The following MELK variants were observed in gnomAD, a reference collection of about 807,000 sequenced individuals.
The protein encoded by MELK is maternal embryonic leucine zipper kinase.
In MELK, 81 loss-of-function variants were observed where a neutral mutation model predicts 85.0. The observed-to-expected ratio is 0.95, with a 90% CI of 0.80 to 1.15. The LOEUF (loss-of-function observed/expected upper bound fraction) is 1.15. Among genes scored for constraint, MELK ranks in the 50% most tolerant of loss-of-function variants. The pLI is 0.00. For synonymous variants in MELK, 252 were observed against 265.0 expected (o/e 0.95, Z 0.48); for missense variants, 754 against 777.5 (o/e 0.97, Z 0.36).
At chr9:36,580,190 G>C (rs1822077671) in intron 1 of MELK, among the ~76,000 whole-genome samples, 1 of 151,708 alleles carries the variant, frequency 6.6e-6, no homozygotes, top group Admixed American at 6.6e-5. Context: ...CACCACCCCT[G>C]GCTAATTTTT....
intron 7 of MELK, among the ~76,000 whole-genome samples, chr9:36,603,203 ATACT>A (rs1825113204): frequency 6.6e-6 from 1 of 152,044 alleles, no homozygotes; most frequent in Admixed American, 6.6e-5. Flanking sequence ...GTCATTTGAG[ATACT>A]TACTAAATGA....
At chr9:36,585,477 T>C (rs1311196385) in intron 3 of MELK, among the ~76,000 whole-genome samples, 5 of 152,010 alleles carry the variant, frequency 3.3e-5, no homozygotes, top group Non-Finnish European at 5.9e-5. Flanking sequence ...CAGCTAATTT[T>C]TGTATTTTCA....
At chr9:36,628,881 T>TC (rs935220325) in intron 8 of MELK, among the ~76,000 whole-genome samples, 1 of 149,734 alleles carries the variant, frequency 6.7e-6, no homozygotes, top group African/African-American at 2.5e-5. Flanking sequence ...TTTTTTTTTT[T>TC]GAGACGGAGT....
intron 1 of MELK, among the ~76,000 whole-genome samples, chr9:36,578,291 G>T (rs139024531): frequency 0.038 from 5,644 of 150,246 alleles, 180 homozygotes; most frequent in Admixed American, 0.049. Context: ...CCCAGCTCCA[G>T]AGCTGCATTT....
In MELK at chr9:36,674,663, G is replaced by A. The variant is rs2274474; in HGVS notation, c.1675-171G>A. 4.5e-4 allele frequency among the ~76,000 whole-genome samples: 68 copies of A among 152,322 alleles called. 2 individuals carry two copies. In the East Asian group the frequency reaches 0.013, roughly 29 times the overall value. On this transcript the variant is annotated intron_variant, in intron 16 of 17. Transcript: ENST00000298048. Reference sequence around the variant, plus strand: ...ACCATAACTTCTCCAAGCTCTCCCAGTGGGCCATTAACTCACTAAGAGTTG... The same window carrying A: ...ACCATAACTTCTCCAAGCTCTCCCAATGGGCCATTAACTCACTAAGAGTTG...
chr9:36,617,954 C>G (rs994638198), intron 8 of MELK, among the ~76,000 whole-genome samples: 14 of 151,802 alleles, frequency 9.2e-5, no homozygotes, highest in African/African-American at 3.4e-4. Flanking sequence ...CGTGAGACTC[C>G]GTCTCTACAA....
chr9:36,632,095 G>C (rs112967132), intron 9 of MELK, among the ~76,000 whole-genome samples: 1 of 152,152 alleles, frequency 6.6e-6, no homozygotes, highest in Admixed American at 6.5e-5. Flanking sequence ...AAATTACCCC[G>C]GGCTTGTTAA....
chr9:36,599,755 G>C (rs1824717216), intron 7 of MELK, among the ~76,000 whole-genome samples: 1 of 152,106 alleles, frequency 6.6e-6, no homozygotes, highest in Non-Finnish European at 1.5e-5. Context: ...GCCATAGTTT[G>C]GACTGGTTAG....
intron 8 of MELK, among the ~76,000 whole-genome samples, chr9:36,608,659 G>T (rs1050043212): frequency 6.6e-6 from 1 of 151,684 alleles, no homozygotes; most frequent in African/African-American, 2.4e-5. Flanking sequence ...TTGGCTCACC[G>T]CAACCTCTGC....
At chr9:36,662,173 TTTCTA>T (rs1831907825) in intron 13 of MELK, among the ~76,000 whole-genome samples, 1 of 151,948 alleles carries the variant, frequency 6.6e-6, no homozygotes, top group Admixed American at 6.6e-5. Flanking sequence ...TTCTATTTGA[TTTCTA>T]TTCTTTTAAT....
At chr9:36,670,910 G>A (rs1832824400) in intron 15 of MELK, 88 bp from the exon 16 acceptor site, 8 of 1,381,224 alleles carry the variant, frequency 5.8e-6, no homozygotes, top group African/African-American at 1.5e-5. Flanking sequence ...GCATCCTAAT[G>A]TGTATGAAGG....
At chr9:36,620,387 C>T (rs567603314) in intron 8 of MELK, among the ~76,000 whole-genome samples, 1 of 152,224 alleles carries the variant, frequency 6.6e-6, no homozygotes, top group East Asian at 1.9e-4. Flanking sequence ...GGTGTCACCC[C>T]GCAAGGATAC....
At chr9:36,624,523 A>G (rs1391112098) in intron 8 of MELK, among the ~76,000 whole-genome samples, 1 of 152,122 alleles carries the variant, frequency 6.6e-6, no homozygotes, top group Non-Finnish European at 1.5e-5. Context: ...CTTCTCATTC[A>G]CTTGTTTTCT....
chr9:36,573,619 C>T (rs1049446359), intron 1 of MELK, among the ~76,000 whole-genome samples: 2 of 152,160 alleles, frequency 1.3e-5, no homozygotes, highest in Non-Finnish European at 2.9e-5. Flanking sequence ...GATTCTTCTG[C>T]CTCAGCCTCC....
intron 8 of MELK, among the ~76,000 whole-genome samples, chr9:36,624,310 G>T (rs975395884): frequency 2.6e-5 from 4 of 152,094 alleles, no homozygotes; most frequent in African/African-American, 9.7e-5. Context: ...AGGCTAAATA[G>T]CTTGTATAAG....
In MELK at chr9:36,581,725, A is replaced by C; in HGVS notation, c.44A>C (p.Glu15Ala). The C allele has an allele frequency of 6.3e-7, 1 of 1,595,382 alleles. No homozygotes were observed. The highest frequency in any genetic ancestry group is 8.6e-7 in the Non-Finnish European group (1 of 1,163,976). Residue 15 changes from glutamate (E) to alanine (A), a missense_variant, in exon 2 of 18, where the codon GAA becomes GCA. Glu to Ala is a moderately radical substitution (Grantham distance 107, BLOSUM62 -1). Coordinates refer to ENST00000298048, the MANE Select transcript of MELK (RefSeq NM_014791.4). ...CTTCTCAAATATTATGAATTACATG[A>C]AACTATTGGGACAGGTAATTGTTAT... ...DELLKYYELHETIGTGGFAKV... is the reference protein window; with the variant it reads ...DELLKYYELHATIGTGGFAKV...
intron 8 of MELK, among the ~76,000 whole-genome samples, chr9:36,610,011 G>A (rs955739707): frequency 2.0e-5 from 3 of 152,096 alleles, no homozygotes; most frequent in African/African-American, 7.2e-5. Flanking sequence ...TGAGGTTTGA[G>A]CAGGTCTTTA....
At chr9:36,619,653 C>T (rs1017360197) in intron 8 of MELK, among the ~76,000 whole-genome samples, 2 of 152,072 alleles carry the variant, frequency 1.3e-5, no homozygotes, top group Non-Finnish European at 2.9e-5. Context: ...GAGTTTTGAA[C>T]CCCCCAAAAA....
Position 36,621,275 on chromosome 9 carries a change from GAAAAAAAAAAAA to G in MELK, c.667-8993_667-8982del, listed in dbSNP as rs74181196. On this transcript the variant is annotated intron_variant, in intron 8 of 17. Transcript: ENST00000298048. ...TGACAGAGTGAGACTCTGTCTCAGG[GAAAAAAAAAAAA>G]AAAAAAAAAAAAAAAAAAAAAAAAA... Among the ~76,000 whole-genome samples the G allele has an allele frequency of 4.5e-3, 147 of 32,398 alleles. 2 individuals carry two copies. Among genetic ancestry groups the G allele is most frequent in the Non-Finnish European group, 0.01 (114 of 11,200 alleles). 21.3% of individuals were successfully genotyped at this position (32,398 alleles called of 152,430 possible). A position where few individuals can be genotyped will look rare whatever the true frequency, so the allele number is the denominator to read the frequency against.
Sources: gnomAD v4.1 joint callset for allele counts (sites outside exome capture counted in the v4.1 genomes callset) on GRCh38, gnomAD v4.1.1 for gene constraint, MANE v1.5 for transcripts, NCBI Gene and HGNC (gene_info 2026-07-23, HGNC 2026-07-21) for gene names.